TNK2: variants seen among roughly 807,000 people sequenced by gnomAD.
The protein encoded by TNK2 is tyrosine kinase non receptor 2.
A neutral mutation model predicts 101.8 loss-of-function variants in TNK2; 83 were observed. That is an observed-to-expected ratio of 0.82 (90% confidence interval 0.68 to 0.98). TNK2 has a LOEUF of 0.98. Ranked by LOEUF, TNK2 falls within the 50% of genes least tolerant of loss-of-function variation. The probability of loss-of-function intolerance (pLI) is 0.00; values close to 1 mark genes in which losing one functional copy is unlikely to be tolerated. For missense variants in TNK2, 1,665 were observed against 1,483.2 expected (o/e 1.12, Z -2.01); for synonymous variants, 804 against 633.0 (o/e 1.27, Z -4.06).
chr3:195,873,321 G>A (rs574896319), intron 9 of TNK2, among the ~76,000 whole-genome samples: 4 of 152,334 alleles, frequency 2.6e-5, no homozygotes, highest in Non-Finnish European at 5.9e-5. Context: ...CAGGGCTCCC[G>A]CAAGACACTC....
chr3:195,901,401 G>A (rs6421308), intron 1 of TNK2, among the ~76,000 whole-genome samples: 94,292 of 152,112 alleles, frequency 0.62, 30,686 homozygotes, highest in African/African-American at 0.83. Flanking sequence ...CAGACACAGT[G>A]TACAGGGGAC....
chr3:195,878,920 G>C lies in TNK2; in HGVS notation c.1014+129C>G, dbSNP rs972053196. 2 of 1,424,864 alleles carry C rather than the reference G, an allele frequency of 1.4e-6. No homozygotes were observed. The highest frequency in any genetic ancestry group is 1.9e-6 in the Non-Finnish European group (2 of 1,047,984). The allele number at this position is 1,424,864 out of a possible 1,614,324, so 88.3% of individuals were successfully genotyped here. A position where few individuals can be genotyped will look rare whatever the true frequency, so the allele number is the denominator to read the frequency against. On this transcript the variant is annotated intron_variant, in intron 7 of 15. Transcript: ENST00000672887. The surrounding 1 kb of genome is among the most constrained non-coding windows in gnomAD (Gnocchi z 4.7). Reference sequence around the variant, plus strand: ...CGGGGCGTGGTGGGAGGCACGGGAAGTGGGGGGAGGCACGGGGCGTGGGAG... The same window carrying C: ...CGGGGCGTGGTGGGAGGCACGGGAACTGGGGGGAGGCACGGGGCGTGGGAG...
intron 12 of TNK2, 122 bp from the exon 13 acceptor site, chr3:195,868,831 C>T (rs1742751011): frequency 1.6e-6 from 2 of 1,245,096 alleles, no homozygotes; most frequent in South Asian, 1.6e-5. Flanking sequence ...CCAACTCCCC[C>T]CGAGGTCTGA....
chr3:195,882,094 C>T lies in TNK2; in HGVS notation c.844G>A (p.Asp282Asn). 1 of 1,613,440 alleles carries T rather than the reference C, an allele frequency of 6.2e-7. No homozygotes were observed. The highest frequency in any genetic ancestry group is 8.5e-7 in the Non-Finnish European group (1 of 1,179,790). Residue 282 changes from aspartate to asparagine, a missense_variant, in exon 6 of 16, where the codon GAC becomes AAC. By Grantham distance (23) the Asp-to-Asn change is conservative. Coordinates refer to ENST00000672887, the MANE Select transcript of TNK2 (RefSeq NM_001382273.1). The surrounding 1 kb of genome is among the most constrained non-coding windows in gnomAD (Gnocchi z 4.2). Reference protein sequence around the residue: ...GLMRALPQNDDHYVMQEHRKV... With the variant: ...GLMRALPQNDNHYVMQEHRKV... Reference sequence around the variant, plus strand: ...CGATGTTCCTGCATGACGTAATGGTCGTCATTCTGAGGTAGTGCTCGCATC... The same window carrying T: ...CGATGTTCCTGCATGACGTAATGGTTGTCATTCTGAGGTAGTGCTCGCATC...
chr3:195,881,698 C>T (rs1189290959), intron 6 of TNK2, among the ~76,000 whole-genome samples: 1 of 139,576 alleles, frequency 7.2e-6, no homozygotes, highest in East Asian at 2.3e-4. Context: ...ACCCCCCCGC[C>T]AGCAATGCCC....
chr3:195,867,418 C>G lies in TNK2; in HGVS notation c.2880G>C (p.Gln960His). 3 of 1,602,022 alleles carry G rather than the reference C, an allele frequency of 1.9e-6. No homozygotes were observed. The highest frequency in any genetic ancestry group is 2.5e-6 in the Non-Finnish European group (3 of 1,177,946). ...CTGGCCCATCGCCAGGGCAGCCCCTCTGTGGCAGCCGAGCAGTGGCCCTCG... is the reference window on the plus strand; with the variant it reads ...CTGGCCCATCGCCAGGGCAGCCCCTGTGTGGCAGCCGAGCAGTGGCCCTCG... ...PPPRATARLP[Q>H]RGCPGDGPEA... Residue 960 changes from glutamine to histidine, a missense_variant, in exon 13 of 16, where the codon CAG becomes CAC. This residue lies in a region of TNK2 where 1,136 missense variants were observed against 894.9 expected (regional missense o/e 1.27). Transcript: ENST00000672887.
chr3:195,870,952 G>A (rs1462585051), intron 10 of TNK2, among the ~76,000 whole-genome samples: 8 of 149,370 alleles, frequency 5.4e-5, no homozygotes, highest in Non-Finnish European at 1.0e-4. Flanking sequence ...GTGGGTTCTG[G>A]TGTGGGGGGA....
chr3:195,872,673 C>A (rs1035779217), intron 9 of TNK2: 20 of 576,580 alleles, frequency 3.5e-5, no homozygotes, highest in African/African-American at 3.5e-4. Flanking sequence ...CGGCCTTACC[C>A]ACAACTCTCT....
intron 4 of TNK2, chr3:195,884,586 G>T (rs1173836959): frequency 4.2e-6 from 2 of 472,170 alleles, no homozygotes; most frequent in Admixed American, 7.6e-5. Flanking sequence ...GAGGTTGCAG[G>T]AAGCCGAGAT....
At chr3:195,884,787 C>T (rs553887083) in intron 4 of TNK2, 25 bp downstream of exon 4, 15 of 1,585,794 alleles carry the variant, frequency 9.5e-6, no homozygotes, top group Admixed American at 3.5e-5. Context: ...GCCTCTGCTG[C>T]GCTGGCAGGA....
Position 195,867,980 on chromosome 3 carries a change from G to A in TNK2, c.2318C>T (p.Pro773Leu). 2 of 1,550,726 alleles carry A rather than the reference G, an allele frequency of 1.3e-6. No homozygotes were observed. The highest frequency in any genetic ancestry group is 1.7e-6 in the Non-Finnish European group (2 of 1,159,778). Residue 773 changes from proline to leucine, a missense_variant, in exon 13 of 16, where the codon CCA becomes CTA. By Grantham distance (98) the Pro-to-Leu change is moderately conservative. Around this residue, in one of 3 missense-constraint regions of TNK2, gnomAD observed 1,136 missense variants for 894.9 expected, o/e 1.27. Coordinates refer to ENST00000672887, the MANE Select transcript of TNK2 (RefSeq NM_001382273.1). ...RPTRPHVQLSPAPPGEEETSQ... is the reference protein window; with the variant it reads ...RPTRPHVQLSLAPPGEEETSQ... ...GGTCTCCTCCTCGCCCGGGGGGGCT[G>A]GAGACAGCTGGACGTGTGGGCGCGT... is the stretch of plus-strand genomic sequence containing the variant.
rs1758743239 is a variant in TNK2, at chr3:195,892,136, A to G, written c.-18-3530T>C. 8 of 576,726 alleles carry G rather than the reference A, an allele frequency of 1.4e-5. No homozygotes were observed. In the South Asian group the frequency reaches 3.5e-4, roughly 25 times the overall value. The allele number at this position is 576,726 out of a possible 1,614,324, so 35.7% of individuals were successfully genotyped here. Reference sequence around the variant, plus strand: ...CATGGCTGCAGCTCCTCCAGAGTTCAAACACTCTCCAATTCTGCATGGTCC... The same window carrying G: ...CATGGCTGCAGCTCCTCCAGAGTTCGAACACTCTCCAATTCTGCATGGTCC... On this transcript the variant is annotated intron_variant, in intron 1 of 15. Transcript: ENST00000672887.
chr3:195,870,551 G>C (rs1441904316), intron 10 of TNK2: 2 of 510,478 alleles, frequency 3.9e-6, no homozygotes, highest in Non-Finnish European at 6.2e-6. Flanking sequence ...GGCCACGATG[G>C]AGGGCCTAAG....
intron 12 of TNK2, 104 bp downstream of exon 12, chr3:195,869,393 A>ACCACCCCAC: frequency 1.7e-6 from 1 of 584,664 alleles, no homozygotes; most frequent in East Asian, 4.6e-5. Context: ...ACACCCACCC[A>ACCACCCCAC]CCTCCCCTCC....
intron 15 of TNK2, among the ~76,000 whole-genome samples, chr3:195,865,347 G>T (rs1197814036): frequency 3.4e-5 from 3 of 87,018 alleles, no homozygotes; most frequent in African/African-American, 8.9e-5. Flanking sequence ...CCTGCGTCCC[G>T]GGTGCAAATC....
Position 195,885,162 on chromosome 3 carries a change from G to T in TNK2, c.235-129C>A. 8.9e-7 allele frequency: 1 copy of T among 1,126,214 alleles called. No homozygotes were observed. 69.8% of individuals were successfully genotyped at this position (1,126,214 alleles called of 1,614,324 possible). On this transcript the variant is annotated intron_variant, in intron 3 of 15. Transcript: ENST00000672887. This position sits in a 1 kb window ranked among gnomAD's most constrained non-coding sequence, Gnocchi z 4.7. ...AGATAGGTCCTGGTTTTGCCAAACT[G>T]TCAGTGGGGCAGCCTGGCTGGAGGC...
chr3:195,877,239 C>T (rs980286681), intron 9 of TNK2, among the ~76,000 whole-genome samples: 4 of 152,170 alleles, frequency 2.6e-5, no homozygotes, highest in African/African-American at 9.7e-5. Context: ...CCCCTAACCA[C>T]AGGCCCTGCA....
At chr3:195,879,301 T>C in intron 6 of TNK2, 126 bp from the exon 7 acceptor site, 1 of 1,449,632 alleles carries the variant, frequency 6.9e-7, no homozygotes, top group Non-Finnish European at 9.3e-7. Context: ...ACAGTGGGTC[T>C]CAGGGGCGCC....
chr3:195,868,676 T>C lies in TNK2; in HGVS notation c.1622A>G (p.Asp541Gly). The C allele has an allele frequency of 6.3e-7, 1 of 1,591,522 alleles. No individual in the cohort carries two copies. The highest frequency in any genetic ancestry group is 8.5e-7 in the Non-Finnish European group (1 of 1,177,086). Residue 541 changes from aspartate to glycine, a missense_variant, in exon 13 of 16, where the codon GAC becomes GGC. Around this residue, in one of 3 missense-constraint regions of TNK2, gnomAD observed 1,136 missense variants for 894.9 expected, o/e 1.27. Coordinates refer to ENST00000672887, the MANE Select transcript of TNK2 (RefSeq NM_001382273.1). ...PTYDPVSEDQDPLSSDFKRLG... is the reference protein window; with the variant it reads ...PTYDPVSEDQGPLSSDFKRLG... The stretch of plus-strand genomic sequence containing the variant: ...CCTCTTGAAGTCGCTGGACAAGGGG[T>C]CTTGGTCCTCGCTCACAGGGTCATA...
Sources: gnomAD v4.1 joint callset for allele counts (sites outside exome capture counted in the v4.1 genomes callset) on GRCh38, gnomAD v4.1.1 for gene constraint, gnomAD v4.1.1 regional missense constraint, Gnocchi (gnomAD v3.1) non-coding constraint, MANE v1.5 for transcripts, NCBI Gene and HGNC (gene_info 2026-07-23, HGNC 2026-07-21) for gene names.